GABRG2: variants seen among roughly 807,000 people sequenced by gnomAD.
The protein encoded by GABRG2 is gamma-aminobutyric acid type A receptor subunit gamma2.
GABRG2 carries 16 observed loss-of-function variants against 56.4 expected under a neutral mutation model. That is an observed-to-expected ratio of 0.28 (90% CI 0.19 to 0.43). The LOEUF is 0.43. GABRG2 is among the 20% of genes least tolerant of loss of function. The pLI is 1.00. For missense variants in GABRG2, 327 were observed against 582.7 expected, an observed-to-expected ratio of 0.56 and a Z score of 4.52; for synonymous variants, 208 against 205.5, an observed-to-expected ratio of 1.01 and a Z score of -0.10.
At chr5:162,120,574 G>C (rs1307716145) in intron 6 of GABRG2, among the ~76,000 whole-genome samples, 1 of 152,074 alleles carries the variant, frequency 6.6e-6, no homozygotes. Flanking sequence ...GATTCTGGAT[G>C]CAGCATCAGA....
intron 1 of GABRG2, among the ~76,000 whole-genome samples, chr5:162,084,833 G>A (rs928850379): frequency 2.6e-5 from 4 of 151,834 alleles, no homozygotes; most frequent in Non-Finnish European, 5.9e-5. Context: ...ATAGAACATG[G>A]CAAGAAATGC....
chr5:162,153,444 A>G lies in GABRG2; in HGVS notation c.*76A>G, dbSNP rs1765517875. 1 of 1,472,410 alleles carries G rather than the reference A, an allele frequency of 6.8e-7. No individual in the cohort carries two copies. The highest frequency in any genetic ancestry group is 9.5e-7 in the Non-Finnish European group (1 of 1,052,580). The allele number at this position is 1,472,410 out of a possible 1,614,324, so 91.2% of individuals were successfully genotyped here. ...AGATGTCTGTTCTAAGTCCACTTAAATAATCCTCTATGTGGTTGATAATGA... is the reference window on the plus strand; with the variant it reads ...AGATGTCTGTTCTAAGTCCACTTAAGTAATCCTCTATGTGGTTGATAATGA... On this transcript the variant is annotated 3_prime_UTR_variant, in exon 10 of 10. Transcript: ENST00000639213.
At chr5:162,085,958 A>AT (rs558615682) in intron 1 of GABRG2, among the ~76,000 whole-genome samples, 7,186 of 145,646 alleles carry the variant, frequency 0.049, 546 homozygotes, top group African/African-American at 0.17. Flanking sequence ...TACGTACCAC[A>AT]TTTTTTTTTT....
intron 1 of GABRG2, among the ~76,000 whole-genome samples, chr5:162,090,005 T>C (rs1486431132): frequency 6.6e-6 from 1 of 152,156 alleles, no homozygotes; most frequent in Non-Finnish European, 1.5e-5. Context: ...AACCTCTCAT[T>C]GAACAGTCTC....
At chr5:162,112,494 T>G (rs914848068) in intron 6 of GABRG2, among the ~76,000 whole-genome samples, 1 of 152,302 alleles carries the variant, frequency 6.6e-6, no homozygotes. Context: ...AATTGAAGAT[T>G]ACTTTTACCC....
intron 5 of GABRG2, chr5:162,102,586 A>G (rs745417603): frequency 1.3e-5 from 6 of 454,022 alleles, no homozygotes; most frequent in African/African-American, 1.2e-4. Context: ...TGGAATGTGC[A>G]GTGGTGTGAT....
chr5:162,149,390 G>A, intron 8 of GABRG2, 77 bp downstream of exon 8: 2 of 1,389,294 alleles, frequency 1.4e-6, no homozygotes, highest in Admixed American at 3.7e-5. Context: ...CCTATCTGCA[G>A]GCTAAGGCTC....
intron 6 of GABRG2, among the ~76,000 whole-genome samples, chr5:162,109,031 G>A (rs193141177): frequency 6.6e-6 from 1 of 152,116 alleles, no homozygotes; most frequent in Non-Finnish European, 1.5e-5. Context: ...GGATGGCTGG[G>A]CACATATACA....
rs1761622061 is a variant in GABRG2, at chr5:162,103,980, A to G, written c.723A>G (p.Ser241=). 6.2e-7 allele frequency: 1 copy of G among 1,613,738 alleles called. No homozygotes were observed. Among genetic ancestry groups the G allele is most frequent in the South Asian group, 1.1e-5 (1 of 91,082 alleles). Residue 241 remains serine (S), a synonymous_variant, in exon 6 of 10, where the codon TCA becomes TCG. Transcript: ENST00000639213. ...GATCCTGGAGGCTTTATCAATTCTC[A>G]TTTGTTGGTCTAAGAAATACCACCG... ...DTRSWRLYQF[S]FVGLRNTTEV...
intron 3 of GABRG2, 136 bp downstream of exon 3, chr5:162,095,698 A>T: frequency 1.5e-6 from 1 of 660,870 alleles, no homozygotes; most frequent in Non-Finnish European, 2.7e-6. Context: ...AGTCTTCCAG[A>T]TCCTTTTTTT....
chr5:162,146,374 T>G (rs1764949820), intron 7 of GABRG2, among the ~76,000 whole-genome samples: 1 of 152,094 alleles, frequency 6.6e-6, no homozygotes, highest in Non-Finnish European at 1.5e-5. Context: ...AAAATAATAA[T>G]AATAGTAATA....
At chr5:162,081,490 AAAC>A (rs555472402) in intron 1 of GABRG2, among the ~76,000 whole-genome samples, 14 of 152,096 alleles carry the variant, frequency 9.2e-5, no homozygotes, top group African/African-American at 2.4e-4. Flanking sequence ...AAACAAAAGC[AAAC>A]AACAACAACA....
Position 162,108,064 on chromosome 5 carries a change from A to G in GABRG2, c.769+4038A>G, listed in dbSNP as rs1242299271. On this transcript the variant is annotated intron_variant, in intron 6 of 9. Transcript: ENST00000639213. ...CTATGTGTAAATGATCTGCTTTCTCATAACCATAGTTAACATTTACTATTA... is the reference window on the plus strand; with the variant it reads ...CTATGTGTAAATGATCTGCTTTCTCGTAACCATAGTTAACATTTACTATTA... 2.0e-5 allele frequency among the ~76,000 whole-genome samples: 3 copies of G among 152,324 alleles called. No individual in the cohort carries two copies. The South Asian group carries it at 6.2e-4, about 32-fold the overall frequency.
At chr5:162,079,143 G>A (rs55887238) in intron 1 of GABRG2, among the ~76,000 whole-genome samples, 4,545 of 152,044 alleles carry the variant, frequency 0.03, 96 homozygotes, top group Middle Eastern at 0.044. Flanking sequence ...TACTCTTGTG[G>A]TCAACAGGCC....
chr5:162,124,557 A>G (rs1374408217), intron 6 of GABRG2, among the ~76,000 whole-genome samples: 1 of 151,164 alleles, frequency 6.6e-6, no homozygotes, highest in African/African-American at 2.4e-5. Flanking sequence ...TTGTTTTTTG[A>G]TTTTGTTTGT....
chr5:162,109,389 A>AATATATATATATATATATAT (rs535370579), intron 6 of GABRG2, among the ~76,000 whole-genome samples: 89 of 116,192 alleles, frequency 7.7e-4, no homozygotes, highest in African/African-American at 1.6e-3. Context: ...CTTAAAGTAT[A>AATATATATATATATATATAT]ATATATATAT....
intron 6 of GABRG2, chr5:162,128,513 A>G (rs1209617261): frequency 1.3e-5 from 2 of 151,934 alleles, no homozygotes; most frequent in South Asian, 2.1e-4. Context: ...TGTAGGAGGG[A>G]AACATGAGCA....
intron 1 of GABRG2, among the ~76,000 whole-genome samples, chr5:162,081,713 T>G (rs1223451369): frequency 6.6e-6 from 1 of 151,982 alleles, no homozygotes; most frequent in Non-Finnish European, 1.5e-5. Context: ...AATCATAATA[T>G]GATATCACCA....
Position 162,113,450 on chromosome 5 carries a change from GTTC to G in GABRG2, c.769+9431_769+9433del, listed in dbSNP as rs1342109044. On this transcript the variant is annotated intron_variant, in intron 6 of 9. Coordinates refer to ENST00000639213, the MANE Select transcript of GABRG2 (RefSeq NM_198904.4). ...AAAAAGTTCTATTCTCTTAAAATTA[GTTC>G]TTCTTCCATGCCCACTACAAACCTA... 5.3e-5 allele frequency among the ~76,000 whole-genome samples: 8 copies of G among 152,206 alleles called. No homozygotes were observed. The East Asian group carries it at 1.4e-3, about 26-fold the overall frequency.
Sources: gnomAD v4.1 joint callset for allele counts (sites outside exome capture counted in the v4.1 genomes callset) on GRCh38, gnomAD v4.1.1 for gene constraint, MANE v1.5 for transcripts, NCBI Gene and HGNC (gene_info 2026-07-23, HGNC 2026-07-21) for gene names.